The following CCT2 variants were observed in gnomAD, a reference collection of about 807,000 sequenced individuals.
CCT2 encodes the protein chaperonin containing TCP1 subunit 2.
In CCT2, 18 loss-of-function variants were observed where a neutral mutation model predicts 61.8. The observed-to-expected ratio is 0.29, with a 90% CI of 0.20 to 0.43. The LOEUF is 0.43. Among genes scored for constraint, CCT2 ranks in the 20% least tolerant of loss-of-function variants. The probability of loss-of-function intolerance (pLI) is 1.00; values close to 1 mark genes in which losing one functional copy is unlikely to be tolerated. For synonymous variants in CCT2, 248 were observed against 215.9 expected (o/e 1.15, Z -1.30); for missense variants, 556 against 656.9 (o/e 0.85, Z 1.68).
At position 69,587,581 on chromosome 12, in the gene CCT2, T is replaced by C. The variant is rs1368993238; in HGVS notation, c.221T>C (p.Ile74Thr). The C allele has an allele frequency of 3.1e-6, 5 of 1,613,086 alleles. No homozygotes were observed. In the South Asian group the frequency reaches 3.3e-5, roughly 11 times the overall value. ...TNDGATILKN[I>T]GVDNPAAKVL... ...GATGGTGCCACTATTCTAAAAAACA[T>C]TGGTGTTGACAATCCAGCAGCTAAA... is the stretch of plus-strand genomic sequence containing the variant. Residue 74 changes from isoleucine (I) to threonine (T), a missense_variant, in exon 4 of 16, where the codon ATT becomes ACT. Physicochemically the swap from Ile to Thr is moderately conservative, Grantham distance 89. This residue lies in a region of CCT2 where 308 missense variants were observed against 350.6 expected (regional missense o/e 0.88). Coordinates refer to ENST00000299300, the MANE Select transcript of CCT2 (RefSeq NM_006431.3).
rs146023119 is a variant in CCT2, at chr12:69,587,539, C to T, written c.179C>T (p.Ser60Phe). 4.3e-6 allele frequency: 7 copies of T among 1,613,550 alleles called. No homozygotes were observed. The highest frequency in any genetic ancestry group is 5.9e-6 in the Non-Finnish European group (7 of 1,179,508). The change falls in exon 4 of 16, where the codon TCT becomes TTT. Residue 60 changes from serine (S) to phenylalanine (F), a missense_variant. By Grantham distance (155) the Ser-to-Phe change is radical. Transcript: ENST00000299300. ...KILLSSGRDASLMVTNDGATI... is the reference protein window; with the variant it reads ...KILLSSGRDAFLMVTNDGATI... ...CTTCTAAGCAGTGGACGAGATGCCT[C>T]TCTTATGGTAACCAATGATGGTGCC...
intron 6 of CCT2, chr12:69,588,494 A>ATACTG (rs1555196980): frequency 2.2e-5 from 9 of 409,794 alleles, no homozygotes; most frequent in Non-Finnish European, 3.9e-5. Flanking sequence ...AAATAGTATA[A>ATACTG]TACTGTATAG....
chr12:69,593,792 T>C (rs1012980444), intron 10 of CCT2, among the ~76,000 whole-genome samples, 179 bp downstream of exon 10: 2 of 152,246 alleles, frequency 1.3e-5, no homozygotes, highest in Admixed American at 6.5e-5. Context: ...TACCAAGTTA[T>C]ATACCACATT....
chr12:69,585,570 G>C (rs1014129755), intron 1 of CCT2, 46 bp downstream of exon 1: 1 of 1,562,362 alleles, frequency 6.4e-7, no homozygotes, highest in African/African-American at 1.4e-5. Context: ...GCTCCGCCGT[G>C]CTCTTGCCAC....
chr12:69,595,069 A>AGGAGACCAGGAGACCT (rs1881948028), intron 10 of CCT2, among the ~76,000 whole-genome samples: 1 of 151,136 alleles, frequency 6.6e-6, no homozygotes, highest in Non-Finnish European at 1.5e-5. Flanking sequence ...ATGAGAATTA[A>AGGAGACCAGGAGACCT]GGAGACCTGG....
exon 16 of CCT2, chr12:69,601,567 ATTAC>A: frequency 1.6e-5 from 20 of 1,284,392 alleles, no homozygotes; most frequent in Non-Finnish European, 2.0e-5. Flanking sequence ...AATTTGAACA[ATTAC>A]TTGGTTCTTA....
chr12:69,592,001 G>A, intron 7 of CCT2, 58 bp from the exon 8 acceptor site: 1 of 987,226 alleles, frequency 1.0e-6, no homozygotes, highest in South Asian at 1.4e-5. Context: ...CTTTTTATAA[G>A]ATTTACTAAG....
Position 69,601,444 on chromosome 12 carries a change from G to A in CCT2, c.*119G>A, listed in dbSNP as rs994833797. The stretch of plus-strand genomic sequence containing the variant: ...GGTGCCCATTATATCCTTAAGTTTG[G>A]ATATTTAGCTGACCTTCGCTTTAAC... On this transcript the variant is annotated 3_prime_UTR_variant, in exon 16 of 16. Transcript: ENST00000299300. The A allele has an allele frequency of 6.3e-7, 1 of 1,588,214 alleles. No individual in the cohort carries two copies. Among genetic ancestry groups the A allele is most frequent in the African/African-American group, 1.4e-5 (1 of 73,622 alleles).
At chr12:69,594,225 C>A (rs1385757084) in intron 10 of CCT2, among the ~76,000 whole-genome samples, 1 of 151,810 alleles carries the variant, frequency 6.6e-6, no homozygotes, top group African/African-American at 2.4e-5. Context: ...TTTAAAAAGT[C>A]TTAAGTCTAC....
chr12:69,595,581 G>C (rs530689066), intron 10 of CCT2, among the ~76,000 whole-genome samples: 1 of 152,006 alleles, frequency 6.6e-6, no homozygotes, highest in Non-Finnish European at 1.5e-5. Flanking sequence ...GCAGCTACTC[G>C]GGAGGCTGAG....
chr12:69,594,693 A>G (rs1420608984), intron 10 of CCT2, among the ~76,000 whole-genome samples: 2 of 152,094 alleles, frequency 1.3e-5, no homozygotes, highest in Non-Finnish European at 2.9e-5. Context: ...TGTCTCTACA[A>G]AAAATTAGCT....
chr12:69,592,027 T>C (rs1384844914), intron 7 of CCT2, 32 bp from the exon 8 acceptor site: 1 of 1,210,696 alleles, frequency 8.3e-7, no homozygotes, highest in Admixed American at 1.8e-5. Flanking sequence ...TTTGAAGTAT[T>C]AAATATGATA....
intron 10 of CCT2, among the ~76,000 whole-genome samples, chr12:69,594,234 A>G (rs543149205): frequency 2.6e-5 from 4 of 152,146 alleles, no homozygotes; most frequent in South Asian, 2.1e-4. Flanking sequence ...TCTTAAGTCT[A>G]CTTACATTTA....
chr12:69,592,935 AT>A (rs1396601905), intron 8 of CCT2, 40 bp from the exon 9 acceptor site: 8 of 1,594,282 alleles, frequency 5.0e-6, no homozygotes, highest in Non-Finnish European at 6.8e-6. Flanking sequence ...CTCAAAAAAA[AT>A]AATGAAACTG....
intron 3 of CCT2, among the ~76,000 whole-genome samples, 188 bp from the exon 4 acceptor site, chr12:69,587,317 T>G (rs962064404): frequency 3.9e-5 from 6 of 152,352 alleles, no homozygotes; most frequent in African/African-American, 1.4e-4. Context: ...CCTGTGCTTC[T>G]AGTGTTTCTA....
intron 3 of CCT2, chr12:69,587,265 T>C (rs1881694309): frequency 4.7e-6 from 2 of 423,960 alleles, no homozygotes; most frequent in African/African-American, 2.0e-5. Flanking sequence ...TTTCTTTCCA[T>C]TGTTTTTGCA....
chr12:69,585,552 C>G (rs201916315), intron 1 of CCT2, 28 bp downstream of exon 1: 1,078 of 1,568,832 alleles, frequency 6.9e-4, no homozygotes, highest in Non-Finnish European at 8.3e-4. Context: ...GCCTCTTGCC[C>G]TACCCCTGCT....
chr12:69,597,152 A>G lies in CCT2; in HGVS notation c.983-4A>G, dbSNP rs554941072. On this transcript the variant is annotated splice_polypyrimidine_tract_variant and splice_region_variant and intron_variant, in intron 10 of 15. Coordinates refer to ENST00000299300, the MANE Select transcript of CCT2 (RefSeq NM_006431.3). Reference sequence around the variant, plus strand: ...ATTTAACTAATACATGTTTATGTTTATAGGTGGTGAAATTGCCTCTACCTT... The same window carrying G: ...ATTTAACTAATACATGTTTATGTTTGTAGGTGGTGAAATTGCCTCTACCTT... 1.2e-5 allele frequency: 19 copies of G among 1,613,568 alleles called. No homozygotes were observed. In the African/African-American group the frequency reaches 2.3e-4, roughly 19 times the overall value.
chr12:69,601,171 C>G, intron 15 of CCT2, 124 bp from the exon 16 acceptor site: 1 of 770,442 alleles, frequency 1.3e-6, no homozygotes, highest in South Asian at 1.9e-5. Flanking sequence ...GACACACATG[C>G]AAACCATTGC....
Sources: allele counts gnomAD v4.1 joint callset (sites outside exome capture counted in the v4.1 genomes callset), GRCh38; gene constraint gnomAD v4.1.1; regional missense constraint gnomAD v4.1.1; transcripts MANE v1.5; gene names NCBI Gene and HGNC (gene_info 2026-07-23, HGNC 2026-07-21).